Variants in CHMP1A observed in about 807,000 individuals in gnomAD.
CHMP1A encodes the protein VPS46 homolog A.
CHMP1A carries 17 observed loss-of-function variants against 27.0 expected under a neutral mutation model. The ratio of observed to expected loss-of-function variants is 0.63; its 90% CI spans 0.43 to 0.95. The LOEUF is 0.95. CHMP1A is among the 40% of genes least tolerant of loss of function. The pLI, the probability that CHMP1A is intolerant of heterozygous loss-of-function variation, is 0.00. For synonymous variants in CHMP1A, 131 were observed against 107.5 expected (o/e 1.22, Z -1.35); for missense variants, 275 against 264.0 (o/e 1.04, Z -0.29).
intron 4 of CHMP1A, among the ~76,000 whole-genome samples, chr16:89,647,609 C>CT: frequency 1.5e-5 from 2 of 130,706 alleles, no homozygotes; most frequent in African/African-American, 5.5e-5. Flanking sequence ...GACGTGGAGA[C>CT]CCAGTGCGGG....
Position 89,645,858 on chromosome 16 carries a change from G to T in CHMP1A, c.*208C>A. On this transcript the variant is annotated 3_prime_UTR_variant, in exon 7 of 7. Transcript: ENST00000397901. The stretch of plus-strand genomic sequence containing the variant: ...CAGAAATCACCCCCAGAAATTTGCA[G>T]AAACTCAACACCAGGACACAGACCC... 1 of 1,516,612 alleles carries T rather than the reference G, an allele frequency of 6.6e-7. No homozygotes were observed. Among genetic ancestry groups the T allele is most frequent in the Middle Eastern group, 1.8e-4 (1 of 5,588 alleles). 93.9% of individuals were successfully genotyped at this position (1,516,612 alleles called of 1,614,324 possible). A position where few individuals can be genotyped will look rare whatever the true frequency, so the allele number is the denominator to read the frequency against.
At chr16:89,648,378 C>A (rs1488065473) in intron 4 of CHMP1A, among the ~76,000 whole-genome samples, 1 of 107,576 alleles carries the variant, frequency 9.3e-6, no homozygotes, top group South Asian at 3.9e-4. Context: ...AGCGCGGGGT[C>A]GGTGGAGAAA....
intron 3 of CHMP1A, among the ~76,000 whole-genome samples, chr16:89,651,240 G>A (rs1389118849): frequency 6.6e-6 from 1 of 152,058 alleles, no homozygotes; most frequent in African/African-American, 2.4e-5. Flanking sequence ...TTAGCTGGGT[G>A]CAAGCCTGTA....
chr16:89,653,900 A>C lies in CHMP1A; in HGVS notation c.27+4T>G. The C allele has an allele frequency of 6.2e-7, 1 of 1,613,636 alleles. No individual in the cohort carries two copies. On this transcript the variant is annotated splice_donor_region_variant and intron_variant, in intron 2 of 6. Coordinates refer to ENST00000397901, the MANE Select transcript of CHMP1A (RefSeq NM_002768.5). ...GCTGGGGTGAACGGCCATTCGGTAC[A>C]TACCTTCAACTGGAACAGGGTATCT...
rs1035564038 is a variant in CHMP1A at position 89,645,785 on chromosome 16, A to G, written c.*281T>C. On this transcript the variant is annotated 3_prime_UTR_variant, in exon 7 of 7. Transcript: ENST00000397901. ...CTGAAGGCCCCCACAGTGCTGGGTG[A>G]AAGTCCACAGGGCCCCTCTTGGCCT... The G allele has an allele frequency of 5.9e-6, 5 of 852,084 alleles. No individual in the cohort carries two copies. The highest frequency in any genetic ancestry group is 5.2e-5 in the African/African-American group (3 of 57,466). The allele number at this position is 852,084 out of a possible 1,614,324, so 52.8% of individuals were successfully genotyped here. A position where few individuals can be genotyped will look rare whatever the true frequency, so the allele number is the denominator to read the frequency against.
intron 5 of CHMP1A, chr16:89,646,998 T>A (rs1303652140): frequency 1.3e-6 from 2 of 1,482,204 alleles, no homozygotes; most frequent in Non-Finnish European, 1.8e-6. Context: ...AGGAGCCAGG[T>A]GCCTGCAGGA....
At chr16:89,650,122 G>C (rs1248156490) in intron 3 of CHMP1A, among the ~76,000 whole-genome samples, 1 of 152,144 alleles carries the variant, frequency 6.6e-6, no homozygotes, top group African/African-American at 2.4e-5. Context: ...CAATACGCTG[G>C]GACCTACTTC....
chr16:89,647,187 G>T lies in CHMP1A; in HGVS notation c.381+16C>A. 1 of 1,607,162 alleles carries T rather than the reference G, an allele frequency of 6.2e-7. No individual in the cohort carries two copies. The highest frequency in any genetic ancestry group is 8.5e-7 in the Non-Finnish European group (1 of 1,177,706). The stretch of plus-strand genomic sequence containing the variant: ...CTTGTCCCCAGGCCACAGCCCCAAG[G>T]GTAGGGGCCACATACCGATGTATGG... On this transcript the variant is annotated intron_variant, in intron 5 of 6. Transcript: ENST00000397901.
chr16:89,646,592 C>T lies in CHMP1A; in HGVS notation c.504G>A (p.Leu168=). The part of the protein sequence containing the change: ...GLEVLDQLSQ[L]PEGASAVGES... ...CGCCCACGGCAGAGGCGCCCTCGGG[C>T]AGCTGGCTGAGCTGGTCCAGCACCT... Residue 168 remains leucine, a synonymous_variant, in exon 6 of 7, where the codon CTG becomes CTA. Coordinates refer to ENST00000397901, the MANE Select transcript of CHMP1A (RefSeq NM_002768.5). 6.2e-7 allele frequency: 1 copy of T among 1,601,126 alleles called. No individual in the cohort carries two copies. The highest frequency in any genetic ancestry group is 8.5e-7 in the Non-Finnish European group (1 of 1,175,148).
Position 89,645,529 on chromosome 16 carries a change from G to GTGA in CHMP1A, c.*534_*536dup. The GTGA allele has an allele frequency of 5.2e-6, 1 of 192,766 alleles. No homozygotes were observed. Among genetic ancestry groups the GTGA allele is most frequent in the Non-Finnish European group, 1.1e-5 (1 of 92,220 alleles). The allele number at this position is 192,766 out of a possible 1,614,324, so 11.9% of individuals were successfully genotyped here. A position where few individuals can be genotyped will look rare whatever the true frequency, so the allele number is the denominator to read the frequency against. ...GGGCGGCCGAGACACCACCCCTGGA[G>GTGA]TGATGGAGGAGGAGGATGTCATTGT... is the stretch of plus-strand genomic sequence containing the variant. On this transcript the variant is annotated 3_prime_UTR_variant, in exon 7 of 7. Coordinates refer to ENST00000397901, the MANE Select transcript of CHMP1A (RefSeq NM_002768.5).
intron 2 of CHMP1A, among the ~76,000 whole-genome samples, chr16:89,653,062 G>A (rs1265669042): frequency 7.2e-6 from 1 of 138,552 alleles, no homozygotes; most frequent in Non-Finnish European, 1.5e-5. Flanking sequence ...CTGTCACCCA[G>A]GCTGGAGTGC....
chr16:89,646,343 G>A (rs2059773289), intron 6 of CHMP1A, among the ~76,000 whole-genome samples, 184 bp downstream of exon 6: 1 of 152,200 alleles, frequency 6.6e-6, no homozygotes, highest in East Asian at 1.9e-4. Context: ...GGAGCAGGAC[G>A]GGGCAGCAGC....
At chr16:89,651,391 AAC>A (rs1448984965) in intron 3 of CHMP1A, among the ~76,000 whole-genome samples, 176 bp downstream of exon 3, 1 of 151,794 alleles carries the variant, frequency 6.6e-6, no homozygotes, top group Non-Finnish European at 1.5e-5. Flanking sequence ...CAAACAAACA[AAC>A]AAACAAACAA....
chr16:89,657,555 C>G, intron 1 of CHMP1A, 27 bp downstream of exon 1: 1 of 1,609,990 alleles, frequency 6.2e-7, no homozygotes, highest in Non-Finnish European at 8.5e-7. Context: ...GCGCGCGAGT[C>G]CCCGGAGGAC....
chr16:89,647,623 G>C lies in CHMP1A; in HGVS notation c.253-292C>G, dbSNP rs1217538514. On this transcript the variant is annotated intron_variant, in intron 4 of 6. Transcript: ENST00000397901. ...CGACGTGGAGACCCAGTGCGGGGTCGGTGGAGAAAAGGCCGCCGACGTGGG... is the reference window on the plus strand; with the variant it reads ...CGACGTGGAGACCCAGTGCGGGGTCCGTGGAGAAAAGGCCGCCGACGTGGG... Among the ~76,000 whole-genome samples the C allele has an allele frequency of 3.7e-3, 354 of 95,628 alleles. No homozygotes were observed. The highest frequency in any genetic ancestry group is 0.011 in the African/African-American group (306 of 26,828). 62.7% of individuals were successfully genotyped at this position (95,628 alleles called of 152,430 possible).
At chr16:89,647,538 C>T (rs970024760) in intron 4 of CHMP1A, among the ~76,000 whole-genome samples, 1 of 147,842 alleles carries the variant, frequency 6.8e-6, no homozygotes, top group Non-Finnish European at 1.5e-5. Context: ...AGTGCGGGGT[C>T]AGTGGAGAAA....
Position 89,646,516 on chromosome 16 carries a change from A to ACCGACCCTACCTC in CHMP1A, c.567_569+10dup. 6.4e-7 allele frequency: 1 copy of ACCGACCCTACCTC among 1,563,808 alleles called. No individual in the cohort carries two copies. The highest frequency in any genetic ancestry group is 8.7e-7 in the Non-Finnish European group (1 of 1,153,808). On this transcript the variant is annotated intron_variant, in intron 6 of 6. Coordinates refer to ENST00000397901, the MANE Select transcript of CHMP1A (RefSeq NM_002768.5). Reference sequence around the variant, plus strand: ...GGGTTGGTGACACAGCGTTTCGGGGACCGACCCTACCTCCGTGACAGCTGG... The same window carrying ACCGACCCTACCTC: ...GGGTTGGTGACACAGCGTTTCGGGGACCGACCCTACCTCCCGACCCTACCTCCGTGACAGCTGG...
chr16:89,649,509 G>A lies in CHMP1A; in HGVS notation c.106-12C>T, dbSNP rs200269195. ...TTCTGCAGAAGGGCCTGAAACCCGC[G>A]GGGGAAAGCAGCTGGAAGAGCTTGG... On this transcript the variant is annotated splice_polypyrimidine_tract_variant and intron_variant, in intron 3 of 6. Coordinates refer to ENST00000397901, the MANE Select transcript of CHMP1A (RefSeq NM_002768.5). The A allele has an allele frequency of 5.3e-5, 85 of 1,613,364 alleles. No individual in the cohort carries two copies. Among genetic ancestry groups the A allele is most frequent in the African/African-American group, 2.4e-4 (18 of 75,050 alleles).
chr16:89,657,650 A>C lies in CHMP1A; in HGVS notation c.-62T>G. The C allele has an allele frequency of 1.2e-6, 2 of 1,605,466 alleles. No homozygotes were observed. The highest frequency in any genetic ancestry group is 2.7e-5 in the African/African-American group (2 of 74,116). ...AGGGACGCCAACTCCGGGCGGTGTCAGGTCCCGGCGGCGATCGAACCGACC... is the reference window on the plus strand; with the variant it reads ...AGGGACGCCAACTCCGGGCGGTGTCCGGTCCCGGCGGCGATCGAACCGACC... On this transcript the variant is annotated 5_prime_UTR_variant, in exon 1 of 7. Coordinates refer to ENST00000397901, the MANE Select transcript of CHMP1A (RefSeq NM_002768.5).
Sources: gnomAD v4.1 joint callset for allele counts (sites outside exome capture counted in the v4.1 genomes callset) on GRCh38, gnomAD v4.1.1 for gene constraint, MANE v1.5 for transcripts, NCBI Gene and HGNC (gene_info 2026-07-23, HGNC 2026-07-21) for gene names.